The following UBE3C variants were observed in gnomAD, a reference collection of about 807,000 sequenced individuals.
UBE3C encodes ubiquitin-protein ligase E3C.
UBE3C carries 42 observed loss-of-function variants against 129.4 expected under a neutral mutation model. That is an observed-to-expected ratio of 0.32 (90% CI 0.25 to 0.42). UBE3C has a LOEUF of 0.42. Ranked by LOEUF, UBE3C falls within the 10% of genes least tolerant of loss-of-function variation. UBE3C has a pLI of 1.00. For missense variants in UBE3C, 1,049 were observed against 1,319.1 expected (o/e 0.80, Z 3.17); for synonymous variants, 510 against 492.4 (o/e 1.04, Z -0.47).
intron 1 of UBE3C, among the ~76,000 whole-genome samples, chr7:157,145,192 G>T (rs149745407): frequency 2.4e-3 from 363 of 152,158 alleles, no homozygotes; most frequent in African/African-American, 7.4e-3. Flanking sequence ...AGTGAGCCTG[G>T]ATTGTGCCAG....
chr7:157,206,714 A>G (rs1363307631), intron 11 of UBE3C, among the ~76,000 whole-genome samples: 4 of 151,852 alleles, frequency 2.6e-5, no homozygotes, highest in South Asian at 2.1e-4. Context: ...TCAGCCTCCT[A>G]TGTAACTAGG....
chr7:157,235,386 C>G (rs1796128837), intron 18 of UBE3C, among the ~76,000 whole-genome samples: 1 of 152,100 alleles, frequency 6.6e-6, no homozygotes, highest in South Asian at 2.1e-4. Context: ...AATAATTTTA[C>G]CTGCATGAAT....
At chr7:157,181,186 G>A (rs547406613) in intron 6 of UBE3C, among the ~76,000 whole-genome samples, 21 of 152,280 alleles carry the variant, frequency 1.4e-4, no homozygotes, top group African/African-American at 4.8e-4. Context: ...TATTTGTGAT[G>A]TTAAGGAACT....
intron 18 of UBE3C, among the ~76,000 whole-genome samples, chr7:157,237,194 C>T (rs1318964767): frequency 6.6e-6 from 1 of 152,070 alleles, no homozygotes; most frequent in Non-Finnish European, 1.5e-5. Flanking sequence ...GTAATCCCAA[C>T]ACTTTGGGAG....
intron 10 of UBE3C, chr7:157,188,946 C>G: frequency 1.5e-6 from 1 of 672,620 alleles, no homozygotes; most frequent in Non-Finnish European, 2.7e-6. Flanking sequence ...CACTGATTGT[C>G]AGGGTGTACA....
At chr7:157,227,886 T>C (rs1795923157) in intron 17 of UBE3C, among the ~76,000 whole-genome samples, 1 of 152,240 alleles carries the variant, frequency 6.6e-6, no homozygotes, top group African/African-American at 2.4e-5. Context: ...AATCTTCTCA[T>C]ATTGTTTATA....
intron 18 of UBE3C, 57 bp from the exon 19 acceptor site, chr7:157,248,303 ATGGCTCTT>A (rs1563074042): frequency 7.0e-7 from 1 of 1,429,414 alleles, no homozygotes; most frequent in Non-Finnish European, 9.7e-7. Flanking sequence ...AGTTGAGCAT[ATGGCTCTT>A]TGTTTGTAGA....
intron 14 of UBE3C, among the ~76,000 whole-genome samples, chr7:157,217,977 C>T (rs539519856): frequency 2.3e-4 from 35 of 152,080 alleles, no homozygotes; most frequent in African/African-American, 7.2e-4. Context: ...GAGCCAAGAT[C>T]GTGCCACTGC....
At chr7:157,160,268 T>C (rs531013401) in intron 1 of UBE3C, among the ~76,000 whole-genome samples, 28 of 152,224 alleles carry the variant, frequency 1.8e-4, no homozygotes, top group African/African-American at 6.5e-4. Context: ...AGAGACGGGG[T>C]TCCACCATGT....
Position 157,256,945 on chromosome 7 carries a change from G to C in UBE3C, c.2982G>C (p.Lys994Asn), listed in dbSNP as rs2116699947. Residue 994 changes from lysine to asparagine, a missense_variant, in exon 22 of 23, where the codon AAG becomes AAC. By Grantham distance (94) the Lys-to-Asn change is moderately conservative. Transcript: ENST00000348165. ...ATTCTGCAGACCATCCTGTTATTAA[G>C]GTCTTCTGGAGAGTTGTGGAAGGGT... ...GGYSADHPVI[K>N]VFWRVVEGFT... 1 of 1,614,102 alleles carries C rather than the reference G, an allele frequency of 6.2e-7. No individual in the cohort carries two copies. Among genetic ancestry groups the C allele is most frequent in the South Asian group, 1.1e-5 (1 of 91,068 alleles).
intron 15 of UBE3C, 199 bp from the exon 16 acceptor site, chr7:157,223,055 T>C (rs1301047316): frequency 3.8e-6 from 2 of 531,524 alleles, no homozygotes; most frequent in Non-Finnish European, 6.8e-6. Context: ...GATCAAGTTA[T>C]GTGTTCGGGG....
Position 157,186,981 on chromosome 7 carries a change from A to G in UBE3C, c.1291A>G (p.Thr431Ala). ...CACCACCATGGCCTCCGTCTGCCAC[A>G]CGCTGATGGTGCAGCACCGCATGAT... is the stretch of plus-strand genomic sequence containing the variant. ...VFTTMASVCH[T>A]LMVQHRMMVP... Residue 431 changes from threonine to alanine, a missense_variant, in exon 10 of 23, where the codon ACG becomes GCG. This residue lies in a region of UBE3C where 489 missense variants were observed against 513.8 expected (regional missense o/e 0.95). Transcript: ENST00000348165. 1 of 1,611,898 alleles carries G rather than the reference A, an allele frequency of 6.2e-7. No homozygotes were observed. Among genetic ancestry groups the G allele is most frequent in the Non-Finnish European group, 8.5e-7 (1 of 1,179,036 alleles).
chr7:157,166,985 A>G (rs182445295), intron 2 of UBE3C, among the ~76,000 whole-genome samples: 2 of 151,796 alleles, frequency 1.3e-5, no homozygotes, highest in Non-Finnish European at 2.9e-5. Flanking sequence ...GCTGGAGTGC[A>G]GTGACATGAT....
intron 18 of UBE3C, among the ~76,000 whole-genome samples, chr7:157,233,955 C>A (rs912525087): frequency 1.3e-5 from 2 of 152,154 alleles, no homozygotes; most frequent in Non-Finnish European, 2.9e-5. Context: ...TAATGTTGAC[C>A]ATCTTTTCAT....
At chr7:157,179,378 G>A (rs1019696858) in intron 6 of UBE3C, among the ~76,000 whole-genome samples, 3 of 152,132 alleles carry the variant, frequency 2.0e-5, no homozygotes, top group Non-Finnish European at 2.9e-5. Flanking sequence ...CTAACTCAGT[G>A]CTAAAGTTTT....
intron 1 of UBE3C, among the ~76,000 whole-genome samples, chr7:157,147,663 A>G (rs182237629): frequency 6.6e-6 from 1 of 152,290 alleles, no homozygotes. Context: ...ATCATGAAGT[A>G]TGATGTTTGG....
At chr7:157,267,534 T>A in intron 22 of UBE3C, 51 bp from the exon 23 acceptor site, 2 of 1,602,118 alleles carry the variant, frequency 1.2e-6, no homozygotes, top group Non-Finnish European at 1.7e-6. Context: ...TTAAAACTCA[T>A]GTAATGCCAT....
intron 5 of UBE3C, among the ~76,000 whole-genome samples, chr7:157,175,555 A>G (rs1351938976): frequency 6.6e-6 from 1 of 152,220 alleles, no homozygotes; most frequent in Non-Finnish European, 1.5e-5. Context: ...CACCTTTACC[A>G]GCTTTTAATA....
intron 10 of UBE3C, among the ~76,000 whole-genome samples, chr7:157,195,529 G>A (rs1809094232): frequency 6.6e-6 from 1 of 152,140 alleles, no homozygotes; most frequent in East Asian, 1.9e-4. Context: ...TGGTGCTGAT[G>A]GCTCCTTTTT....
Sources: allele counts gnomAD v4.1 joint callset (sites outside exome capture counted in the v4.1 genomes callset), GRCh38; gene constraint gnomAD v4.1.1; regional missense constraint gnomAD v4.1.1; transcripts MANE v1.5; gene names NCBI Gene and HGNC (gene_info 2026-07-23, HGNC 2026-07-21).